The following XRCC4 variants were observed in gnomAD, a reference collection of about 807,000 sequenced individuals.
XRCC4 encodes X-ray repair cross complementing 4.
In XRCC4, 28 loss-of-function variants were observed where a neutral mutation model predicts 39.1. That is an observed-to-expected ratio of 0.72 (90% CI 0.53 to 0.98). The LOEUF is 0.98. Among genes scored for constraint, XRCC4 ranks in the 50% least tolerant of loss-of-function variants. XRCC4 has a pLI of 0.00. For missense variants in XRCC4, 350 were observed against 376.4 expected (o/e 0.93, Z 0.58); for synonymous variants, 123 against 126.4 (o/e 0.97, Z 0.18).
Position 83,320,280 on chromosome 5 carries a change from C to T in XRCC4, c.894-32851C>T, listed in dbSNP as rs935385061. Among the ~76,000 whole-genome samples, 7 of 146,838 alleles carry T rather than the reference C, an allele frequency of 4.8e-5. No homozygotes were observed. In the East Asian group the frequency reaches 6.0e-4, roughly 13 times the overall value. On this transcript the variant is annotated intron_variant, in intron 7 of 7. Transcript: ENST00000396027. ...ATAGATGACACGTTAGTGGGTGCAGCGCACCAGCATGGCACATGTATACAT... is the reference window on the plus strand; with the variant it reads ...ATAGATGACACGTTAGTGGGTGCAGTGCACCAGCATGGCACATGTATACAT...
At chr5:83,363,052 C>T in the XRCC4 span, among the ~76,000 whole-genome samples, 1 of 152,126 alleles carries the variant, frequency 6.6e-6, no homozygotes, top group Admixed American at 6.6e-5. Flanking sequence ...GACGTGTAAA[C>T]AGACAATCAA....
chr5:83,329,743 C>G (rs1334276094), intron 7 of XRCC4, among the ~76,000 whole-genome samples: 1 of 152,084 alleles, frequency 6.6e-6, no homozygotes, highest in Non-Finnish European at 1.5e-5. Flanking sequence ...AAATCTCAAA[C>G]AAACTCAAAT....
At chr5:83,162,447 A>AT (rs1312336940) in intron 3 of XRCC4, among the ~76,000 whole-genome samples, 2 of 152,134 alleles carry the variant, frequency 1.3e-5, no homozygotes, top group African/African-American at 4.8e-5. Context: ...TTATTGTCAG[A>AT]TTCCTGTTTG....
At chr5:83,117,946 C>G (rs2112431190) in intron 3 of XRCC4, among the ~76,000 whole-genome samples, 1 of 151,300 alleles carries the variant, frequency 6.6e-6, no homozygotes, top group African/African-American at 2.4e-5. Flanking sequence ...TCCCTGTGTT[C>G]ATGTATTTTT....
chr5:83,152,405 G>A lies in XRCC4; in HGVS notation c.315+41202G>A, dbSNP rs539788746. On this transcript the variant is annotated intron_variant, in intron 3 of 7. Transcript: ENST00000396027. ...TCCCAGCACTTTGGGAGGCCGAGGC[G>A]GGTGGATCACGAGGTCAGGGATTCG... is the stretch of plus-strand genomic sequence containing the variant. Among the ~76,000 whole-genome samples, 132 of 152,160 alleles carry A rather than the reference G, an allele frequency of 8.7e-4. No homozygotes were observed. In the Middle Eastern group the frequency reaches 0.01, roughly 12 times the overall value.
At chr5:83,326,242 A>G (rs1428072704) in intron 7 of XRCC4, among the ~76,000 whole-genome samples, 1 of 151,884 alleles carries the variant, frequency 6.6e-6, no homozygotes. Flanking sequence ...GCTGTGCAAA[A>G]GCTCTTTAGT....
chr5:83,233,281 C>T (rs1752563662), intron 6 of XRCC4, among the ~76,000 whole-genome samples: 1 of 152,044 alleles, frequency 6.6e-6, no homozygotes, highest in African/African-American at 2.4e-5. Flanking sequence ...CTTGGATAAC[C>T]ACATCTTCTG....
intron 3 of XRCC4, among the ~76,000 whole-genome samples, chr5:83,168,910 T>A (rs919126796): frequency 6.6e-6 from 1 of 152,126 alleles, no homozygotes; most frequent in Admixed American, 6.6e-5. Context: ...TCATGACATA[T>A]GATCTAAGAA....
At chr5:83,097,350 GTTTTT>G (rs5869160) in intron 1 of XRCC4, among the ~76,000 whole-genome samples, 1 of 142,738 alleles carries the variant, frequency 7.0e-6, no homozygotes, top group Non-Finnish European at 1.5e-5. Context: ...TATAGGTTTT[GTTTTT>G]TTTTTTTTCC....
chr5:83,369,169 G>C, the XRCC4 span, among the ~76,000 whole-genome samples: 2 of 152,126 alleles, frequency 1.3e-5, no homozygotes, highest in Admixed American at 1.3e-4. Context: ...CAATGATCTT[G>C]CAAGAAACGG....
chr5:83,304,094 T>A (rs778286087), intron 7 of XRCC4, among the ~76,000 whole-genome samples: 1 of 151,950 alleles, frequency 6.6e-6, no homozygotes, highest in South Asian at 2.1e-4. Context: ...ACAGATATGA[T>A]CTGAAACTGT....
At chr5:83,285,067 G>A (rs1373652674) in intron 7 of XRCC4, among the ~76,000 whole-genome samples, 1 of 152,046 alleles carries the variant, frequency 6.6e-6, no homozygotes. Flanking sequence ...CTAGAACCTG[G>A]TGCTTGCCCA....
chr5:83,257,733 C>T (rs755412151), intron 6 of XRCC4, among the ~76,000 whole-genome samples: 9 of 152,088 alleles, frequency 5.9e-5, no homozygotes, highest in Admixed American at 1.3e-4. Flanking sequence ...AAGACATATG[C>T]ACATGTATGT....
chr5:83,181,600 A>C (rs1486982027), intron 3 of XRCC4, among the ~76,000 whole-genome samples: 1 of 152,190 alleles, frequency 6.6e-6, no homozygotes, highest in Non-Finnish European at 1.5e-5. Flanking sequence ...AACAAGGTTC[A>C]ATCAGGAAAC....
chr5:83,191,828 A>G (rs527684147), intron 3 of XRCC4, among the ~76,000 whole-genome samples: 1 of 152,164 alleles, frequency 6.6e-6, no homozygotes, highest in African/African-American at 2.4e-5. Context: ...GCCATGTGAA[A>G]CTCTAAGTGC....
At chr5:83,229,447 A>G (rs902883452) in intron 6 of XRCC4, among the ~76,000 whole-genome samples, 2 of 151,818 alleles carry the variant, frequency 1.3e-5, no homozygotes, top group Non-Finnish European at 2.9e-5. Context: ...CAGGGATGGT[A>G]TCTAGTATTG....
rs1805377 is a variant in XRCC4 at position 83,353,124 on chromosome 5, G to A, written c.894-7G>A. The A allele has an allele frequency of 0.16, 253,043 of 1,588,702 alleles. 33,283 individuals carry two copies. Among genetic ancestry groups the A allele is most frequent in the East Asian group, 0.7 (30,983 of 44,192 alleles). On this transcript the variant is annotated splice_polypyrimidine_tract_variant and splice_region_variant and intron_variant, in intron 7 of 7. Coordinates refer to ENST00000396027, the MANE Select transcript of XRCC4 (RefSeq NM_003401.5). ...TAAAACTATTTTGATTTTCTTTTCA[G>A]TTCTAGGCCTGATTCTTCACTACCT... is the stretch of plus-strand genomic sequence containing the variant.
At chr5:83,199,268 T>C (rs988645391) in intron 4 of XRCC4, among the ~76,000 whole-genome samples, 1 of 152,188 alleles carries the variant, frequency 6.6e-6, no homozygotes, top group Admixed American at 6.5e-5. Flanking sequence ...AGAAAATTCT[T>C]TCTTCCATCT....
At chr5:83,226,993 T>C (rs1752316300) in intron 6 of XRCC4, among the ~76,000 whole-genome samples, 1 of 152,130 alleles carries the variant, frequency 6.6e-6, no homozygotes, top group Non-Finnish European at 1.5e-5. Context: ...GACTTTTCCC[T>C]GTATTAGAGT....
Sources: gnomAD v4.1 joint callset for allele counts (sites outside exome capture counted in the v4.1 genomes callset) on GRCh38, gnomAD v4.1.1 for gene constraint, MANE v1.5 for transcripts, NCBI Gene and HGNC (gene_info 2026-07-23, HGNC 2026-07-21) for gene names.